ESR1: variants seen among roughly 807,000 people sequenced by gnomAD.
The protein encoded by ESR1 is estrogen receptor 1.
ESR1 carries 12 observed loss-of-function variants against 52.7 expected under a neutral mutation model. That is an observed-to-expected ratio of 0.23 (90% CI 0.15 to 0.37). ESR1 has a LOEUF of 0.37. ESR1 is among the 10% of genes least tolerant of loss of function. The probability of loss-of-function intolerance (pLI) is 1.00; values close to 1 mark genes in which losing one functional copy is unlikely to be tolerated. For synonymous variants in ESR1, 305 were observed against 316.8 expected, an observed-to-expected ratio of 0.96 and a Z score of 0.39; for missense variants, 584 against 779.7, an observed-to-expected ratio of 0.75 and a Z score of 2.99.
At chr6:152,090,803 C>T (rs2050117322) in intron 6 of ESR1, among the ~76,000 whole-genome samples, 1 of 152,182 alleles carries the variant, frequency 6.6e-6, no homozygotes. Context: ...ATGTCTTGTA[C>T]ATGGGGGTGT....
chr6:151,921,130 T>C (rs2031573824), intron 3 of ESR1, among the ~76,000 whole-genome samples: 1 of 152,110 alleles, frequency 6.6e-6, no homozygotes. Flanking sequence ...TTCCCCTCCC[T>C]GTGTCCATGT....
chr6:152,117,412 A>T (rs1274834217), intron 6 of ESR1, among the ~76,000 whole-genome samples: 1 of 152,158 alleles, frequency 6.6e-6, no homozygotes, highest in Non-Finnish European at 1.5e-5. Context: ...TTTCTTCTCG[A>T]TTGCCTGTAG....
At chr6:152,062,727 T>C (rs927982589) in intron 6 of ESR1, among the ~76,000 whole-genome samples, 2 of 152,114 alleles carry the variant, frequency 1.3e-5, no homozygotes, top group Admixed American at 6.5e-5. Context: ...ATGTGGGCAA[T>C]CTGGGAACTT....
intron 6 of ESR1, among the ~76,000 whole-genome samples, chr6:152,080,167 G>A (rs1367069810): frequency 1.3e-5 from 2 of 152,026 alleles, no homozygotes; most frequent in Non-Finnish European, 1.5e-5. Context: ...TCCTCAAGAA[G>A]AGCAACCCCA....
chr6:151,901,322 C>A (rs1008882806), intron 3 of ESR1, among the ~76,000 whole-genome samples: 1 of 152,180 alleles, frequency 6.6e-6, no homozygotes, highest in Non-Finnish European at 1.5e-5. Context: ...TGTTTGCAGG[C>A]AGCGGATGAG....
At chr6:151,684,544 G>A (rs1460605410) in intron 1 of ESR1, among the ~76,000 whole-genome samples, 1 of 152,182 alleles carries the variant, frequency 6.6e-6, no homozygotes, top group Non-Finnish European at 1.5e-5. Context: ...GATCTGACTT[G>A]TGACAGGGAG....
At chr6:151,735,162 C>T (rs1562365715) in intron 2 of ESR1, among the ~76,000 whole-genome samples, 1 of 152,100 alleles carries the variant, frequency 6.6e-6, no homozygotes, top group Non-Finnish European at 1.5e-5. Flanking sequence ...AATCTAACAT[C>T]CACAGATTTT....
chr6:152,084,515 C>A (rs1161072892), intron 6 of ESR1, among the ~76,000 whole-genome samples: 2 of 152,006 alleles, frequency 1.3e-5, no homozygotes, highest in African/African-American at 4.8e-5. Context: ...ACTGTAAGTC[C>A]AGTTAAACCT....
At chr6:151,663,099 A>T (rs1489779531) in intron 1 of ESR1, among the ~76,000 whole-genome samples, 2 of 152,230 alleles carry the variant, frequency 1.3e-5, no homozygotes, top group Non-Finnish European at 2.9e-5. Flanking sequence ...TCTTGGATAC[A>T]GTTGCTCACC....
chr6:151,744,594 C>T (rs895828257), intron 2 of ESR1, among the ~76,000 whole-genome samples: 2 of 152,058 alleles, frequency 1.3e-5, no homozygotes, highest in South Asian at 2.1e-4. Context: ...TGTAAGGATT[C>T]GTTATATATT....
At chr6:151,782,497 G>A (rs548033540) in intron 2 of ESR1, among the ~76,000 whole-genome samples, 7 of 152,062 alleles carry the variant, frequency 4.6e-5, no homozygotes, top group African/African-American at 1.4e-4. Context: ...ATGCTTCAAT[G>A]GATATCTCTG....
At chr6:151,945,710 A>G (rs1362264602) in intron 4 of ESR1, among the ~76,000 whole-genome samples, 1 of 152,246 alleles carries the variant, frequency 6.6e-6, no homozygotes, top group Non-Finnish European at 1.5e-5. Flanking sequence ...ATGAAGCATG[A>G]AATGTTTTAT....
Position 152,060,967 on chromosome 6 carries a change from T to C in ESR1, c.1236-24T>C, listed in dbSNP as rs2047498977. The C allele has an allele frequency of 3.2e-6, 5 of 1,540,374 alleles. No individual in the cohort carries two copies. In the Admixed American group the frequency reaches 5.7e-5, roughly 17 times the overall value. On this transcript the variant is annotated intron_variant, in intron 5 of 7. Transcript: ENST00000206249. ...GTTTTTTAATCTTTTTATTTATTTA[T>C]TTATTTTTGCTATGTTTTCATAGGA...
intron 4 of ESR1, among the ~76,000 whole-genome samples, chr6:151,948,121 A>G (rs773367088): frequency 6.6e-5 from 10 of 152,172 alleles, no homozygotes; most frequent in Non-Finnish European, 1.0e-4. Context: ...TATGACTGCA[A>G]GAGTGGTTGT....
intron 3 of ESR1, among the ~76,000 whole-genome samples, chr6:151,935,446 G>A (rs959234888): frequency 1.3e-5 from 2 of 152,136 alleles, no homozygotes; most frequent in Non-Finnish European, 2.9e-5. Context: ...TTCACTCCTG[G>A]ACTGCAGATC....
chr6:152,062,490 G>A lies in ESR1; in HGVS notation c.1369+1366G>A, dbSNP rs1027374226. On this transcript the variant is annotated intron_variant, in intron 6 of 7. Transcript: ENST00000206249. ...AGAATGAAGTCCCATGATAAATGAT[G>A]TGATCCACACTAAGGAAGTGATTAC... Among the ~76,000 whole-genome samples the A allele has an allele frequency of 6.2e-4, 95 of 152,216 alleles. 1 individual carries two copies. Among genetic ancestry groups the A allele is most frequent in the African/African-American group, 2.2e-3 (91 of 41,454 alleles).
In ESR1 at chr6:152,073,267, T is replaced by G. The variant is rs11968373; in HGVS notation, c.1369+12143T>G. Among the ~76,000 whole-genome samples the G allele has an allele frequency of 9.8e-3, 1,496 of 152,316 alleles. 26 individuals carry two copies. The highest frequency in any genetic ancestry group is 0.035 in the African/African-American group (1,437 of 41,568). On this transcript the variant is annotated intron_variant, in intron 6 of 7. Transcript: ENST00000206249. ...GGAGTATCCGTTCATCAGCCAGATT[T>G]CCCTCTCAACAGTCCAGGTGTTGAC...
intron 2 of ESR1, among the ~76,000 whole-genome samples, chr6:151,757,960 C>T (rs1362415632): frequency 2.6e-5 from 4 of 152,178 alleles, no homozygotes; most frequent in East Asian, 1.9e-4. Context: ...GGAGTATTTA[C>T]CTTTGACTGT....
intron 6 of ESR1, chr6:152,125,115 A>G: frequency 1.2e-6 from 1 of 827,794 alleles, no homozygotes. Context: ...AGGCTGAATG[A>G]CTTGCTTCAG....
Sources: gnomAD v4.1 joint callset for allele counts (sites outside exome capture counted in the v4.1 genomes callset) on GRCh38, gnomAD v4.1.1 for gene constraint, MANE v1.5 for transcripts, NCBI Gene and HGNC (gene_info 2026-07-23, HGNC 2026-07-21) for gene names.